The following MAGI2 variants were observed in gnomAD, a reference collection of about 807,000 sequenced individuals.
MAGI2 encodes the protein membrane associated guanylate kinase, WW and PDZ domain containing 2.
A neutral mutation model predicts 133.3 loss-of-function variants in MAGI2; 35 were observed. That is an observed-to-expected ratio of 0.26 (90% confidence interval 0.20 to 0.35). MAGI2 has a LOEUF of 0.35. Among genes scored for constraint, MAGI2 ranks in the 10% least tolerant of loss-of-function variants. The pLI, the probability that MAGI2 is intolerant of heterozygous loss-of-function variation, is 1.00. For missense variants in MAGI2, 1,636 were observed against 1,863.4 expected, an observed-to-expected ratio of 0.88 and a Z score of 2.25; for synonymous variants, 729 against 710.6, an observed-to-expected ratio of 1.03 and a Z score of -0.41.
rs534364404 is a variant in MAGI2, at chr7:78,027,721, A to G, written c.3707-7745T>C. 2.0e-4 allele frequency among the ~76,000 whole-genome samples: 31 copies of G among 152,292 alleles called. 1 individual carries two copies. The highest frequency in any genetic ancestry group is 3.8e-4 in the African/African-American group (16 of 41,578). On this transcript the variant is annotated intron_variant, in intron 21 of 21. Coordinates refer to ENST00000354212, the MANE Select transcript of MAGI2 (RefSeq NM_012301.4). ...ATTTCTTAAGGGCAGGGATAGTACT[A>G]TCTACTTAAAAAAATATCTTCACAG...
At chr7:79,071,264 A>G (rs1352725540) in intron 1 of MAGI2, among the ~76,000 whole-genome samples, 1 of 152,136 alleles carries the variant, frequency 6.6e-6, no homozygotes, top group East Asian at 1.9e-4. Context: ...TTGCCTGGGT[A>G]TCACTGGTGG....
chr7:79,333,964 C>T (rs1208850905), intron 1 of MAGI2, among the ~76,000 whole-genome samples: 1 of 152,122 alleles, frequency 6.6e-6, no homozygotes, highest in African/African-American at 2.4e-5. Flanking sequence ...CTTTTACTTT[C>T]CAAAAATATT....
At chr7:78,783,743 C>G (rs1057047767) in intron 2 of MAGI2, among the ~76,000 whole-genome samples, 2 of 152,128 alleles carry the variant, frequency 1.3e-5, no homozygotes, top group African/African-American at 2.4e-5. Flanking sequence ...GTTCCTGACC[C>G]CAGTTTGTAG....
rs73700706 is a variant in MAGI2 at position 78,250,430 on chromosome 7, C to T, written c.2047+5513G>A. 3.5e-3 allele frequency among the ~76,000 whole-genome samples: 526 copies of T among 151,960 alleles called. 1 individual carries two copies. The highest frequency in any genetic ancestry group is 0.012 in the African/African-American group (488 of 41,456). On this transcript the variant is annotated intron_variant, in intron 10 of 21. Coordinates refer to ENST00000354212, the MANE Select transcript of MAGI2 (RefSeq NM_012301.4). ...TGAAATTTATAGTTTTAAGTGATTT[C>T]GTTAGAAAGAAATGGAATCATTAAT...
intron 3 of MAGI2, among the ~76,000 whole-genome samples, chr7:78,573,785 TG>T (rs1398415931): frequency 6.6e-6 from 1 of 151,938 alleles, no homozygotes; most frequent in East Asian, 1.9e-4. Flanking sequence ...AATGGTGAGT[TG>T]GGTTTTTATT....
chr7:78,855,947 C>T (rs1793599259), intron 2 of MAGI2, among the ~76,000 whole-genome samples: 1 of 152,176 alleles, frequency 6.6e-6, no homozygotes, highest in Non-Finnish European at 1.5e-5. Context: ...GATTGCCATT[C>T]TAACAGGTGT....
chr7:78,399,959 C>T (rs1336784806), intron 6 of MAGI2, among the ~76,000 whole-genome samples: 2 of 151,756 alleles, frequency 1.3e-5, no homozygotes, highest in African/African-American at 4.8e-5. Context: ...CAAAACAATT[C>T]AAAACAAAAC....
chr7:78,647,953 A>C (rs1161189685), intron 2 of MAGI2, among the ~76,000 whole-genome samples: 1 of 152,186 alleles, frequency 6.6e-6, no homozygotes, highest in Non-Finnish European at 1.5e-5. Flanking sequence ...CAATGAGAAC[A>C]CATGGACACA....
At chr7:79,266,475 C>T (rs1479652985) in intron 1 of MAGI2, among the ~76,000 whole-genome samples, 2 of 152,026 alleles carry the variant, frequency 1.3e-5, no homozygotes, top group African/African-American at 4.8e-5. Flanking sequence ...TAAATGAGAG[C>T]ACTTCTCTGT....
chr7:78,728,722 C>T (rs1423798002), intron 2 of MAGI2, among the ~76,000 whole-genome samples: 1 of 134,288 alleles, frequency 7.4e-6, no homozygotes, highest in Non-Finnish European at 1.6e-5. Context: ...CCCGCCACTA[C>T]GCCCGGCTAA....
chr7:78,390,582 C>T (rs907511145), intron 6 of MAGI2, among the ~76,000 whole-genome samples: 1 of 137,322 alleles, frequency 7.3e-6, no homozygotes, highest in African/African-American at 2.7e-5. Context: ...AAGGAATGGC[C>T]ATTTACAGCA....
chr7:78,623,841 T>C (rs1169187401), intron 3 of MAGI2, among the ~76,000 whole-genome samples: 1 of 152,150 alleles, frequency 6.6e-6, no homozygotes, highest in Non-Finnish European at 1.5e-5. Context: ...CATAAAGTTG[T>C]AACGGAGCTG....
chr7:78,643,852 A>C (rs747485338), intron 2 of MAGI2, among the ~76,000 whole-genome samples: 3 of 152,014 alleles, frequency 2.0e-5, no homozygotes, highest in Non-Finnish European at 4.4e-5. Context: ...GAAAGCCTAC[A>C]GCAACATCTA....
At chr7:79,056,101 C>T (rs1221895143) in intron 1 of MAGI2, among the ~76,000 whole-genome samples, 2 of 152,126 alleles carry the variant, frequency 1.3e-5, no homozygotes, top group Non-Finnish European at 2.9e-5. Flanking sequence ...TGAGAGAACC[C>T]TTGCACACTG....
At chr7:78,078,836 A>T in intron 21 of MAGI2, 111 bp downstream of exon 21, 1 of 1,196,676 alleles carries the variant, frequency 8.4e-7, no homozygotes, top group Non-Finnish European at 1.2e-6. Context: ...ATTGATAGCT[A>T]AATATATATT....
chr7:79,212,834 T>A lies in MAGI2; in HGVS notation c.302-205628A>T, dbSNP rs143675151. 1.3e-3 allele frequency among the ~76,000 whole-genome samples: 196 copies of A among 152,192 alleles called. 1 individual carries two copies. The highest frequency in any genetic ancestry group is 4.3e-3 in the African/African-American group (177 of 41,470). Reference sequence around the variant, plus strand: ...AAAACAAAACACTCAGCCTGGTAGTTCTTCCTGGCTTTGGTGAATTGCTGA... The same window carrying A: ...AAAACAAAACACTCAGCCTGGTAGTACTTCCTGGCTTTGGTGAATTGCTGA... On this transcript the variant is annotated intron_variant, in intron 1 of 21. Transcript: ENST00000354212.
At chr7:78,606,116 G>A (rs1584815220) in intron 3 of MAGI2, among the ~76,000 whole-genome samples, 1 of 152,170 alleles carries the variant, frequency 6.6e-6, no homozygotes, top group African/African-American at 2.4e-5. Context: ...CCTGGCTTGG[G>A]CAGTTGTGTA....
At chr7:78,399,243 GGT>G (rs1203706670) in intron 6 of MAGI2, among the ~76,000 whole-genome samples, 2 of 151,954 alleles carry the variant, frequency 1.3e-5, no homozygotes, top group Non-Finnish European at 2.9e-5. Context: ...CATGCATGCG[GGT>G]GTGTGCACAC....
chr7:78,744,402 CCA>C (rs1321811437), intron 2 of MAGI2, among the ~76,000 whole-genome samples: 22 of 152,152 alleles, frequency 1.4e-4, no homozygotes, highest in African/African-American at 4.6e-4. Flanking sequence ...TCCAGGAATT[CCA>C]CATTTAGTTT....
Sources: gnomAD v4.1 joint callset for allele counts (sites outside exome capture counted in the v4.1 genomes callset) on GRCh38, gnomAD v4.1.1 for gene constraint, MANE v1.5 for transcripts, NCBI Gene and HGNC (gene_info 2026-07-23, HGNC 2026-07-21) for gene names.